RBM33: variants seen among roughly 807,000 people sequenced by gnomAD.
RBM33 encodes the protein RNA-binding protein 33.
In RBM33, 28 loss-of-function variants were observed where a neutral mutation model predicts 132.6. That is an observed-to-expected ratio of 0.21 (90% CI 0.16 to 0.29). The LOEUF (loss-of-function observed/expected upper bound fraction) is 0.29. RBM33 is among the 10% of genes least tolerant of loss of function. The pLI is 1.00. For synonymous variants in RBM33, 634 were observed against 593.0 expected (o/e 1.07, Z -1.01); for missense variants, 1,291 against 1,518.5 (o/e 0.85, Z 2.49).
intron 14 of RBM33, among the ~76,000 whole-genome samples, chr7:155,761,662 C>CT (rs1412045306): frequency 2.0e-5 from 3 of 152,212 alleles, no homozygotes; most frequent in Admixed American, 6.5e-5. Flanking sequence ...AATTCATCTT[C>CT]TTTCCTTTTT....
At chr7:155,671,705 T>C (rs1221951846) in intron 2 of RBM33, among the ~76,000 whole-genome samples, 1 of 152,210 alleles carries the variant, frequency 6.6e-6, no homozygotes, top group African/African-American at 2.4e-5. Context: ...AATAACAATA[T>C]CGATGCAGTT....
intron 9 of RBM33, among the ~76,000 whole-genome samples, chr7:155,721,232 C>G (rs748299742): frequency 6.6e-6 from 1 of 151,998 alleles, no homozygotes. Context: ...GCTAAACACC[C>G]GTGCCAGAGT....
chr7:155,750,160 T>A (rs1034009000), intron 14 of RBM33, among the ~76,000 whole-genome samples: 1 of 152,216 alleles, frequency 6.6e-6, no homozygotes, highest in Non-Finnish European at 1.5e-5. Flanking sequence ...AGAATTATAT[T>A]TCATGGAATG....
chr7:155,735,656 AC>A (rs1175400041), intron 9 of RBM33, among the ~76,000 whole-genome samples: 2 of 151,622 alleles, frequency 1.3e-5, no homozygotes, highest in Non-Finnish European at 2.9e-5. Context: ...TGATTGCGCC[AC>A]TGCACTCCAG....
intron 14 of RBM33, among the ~76,000 whole-genome samples, chr7:155,761,620 G>A (rs959327507): frequency 6.6e-6 from 1 of 152,124 alleles, no homozygotes; most frequent in Non-Finnish European, 1.5e-5. Context: ...AGGGTCCATT[G>A]CGGTGATCCC....
At chr7:155,662,704 T>C (rs1439408325) in intron 1 of RBM33, among the ~76,000 whole-genome samples, 1 of 152,140 alleles carries the variant, frequency 6.6e-6, no homozygotes, top group Non-Finnish European at 1.5e-5. Flanking sequence ...GCAGGGGTTC[T>C]CTGGTTCCAG....
chr7:155,723,496 A>G (rs12154630), intron 9 of RBM33, among the ~76,000 whole-genome samples: 9,840 of 152,284 alleles, frequency 0.065, 482 homozygotes, highest in African/African-American at 0.14. Context: ...TCCACTTGCT[A>G]GTGGGTTTCT....
intron 2 of RBM33, among the ~76,000 whole-genome samples, chr7:155,667,004 C>G (rs1169933168): frequency 2.0e-5 from 3 of 152,186 alleles, no homozygotes; most frequent in Non-Finnish European, 1.5e-5. Flanking sequence ...TTGACCTTCT[C>G]TTACACTCAT....
chr7:155,745,691 T>C lies in RBM33; in HGVS notation c.2979+89T>C. The C allele has an allele frequency of 3.1e-6, 4 of 1,279,374 alleles. No individual in the cohort carries two copies. Among genetic ancestry groups the C allele is most frequent in the Non-Finnish European group, 4.2e-6 (4 of 943,132 alleles). The allele number at this position is 1,279,374 out of a possible 1,614,324, so 79.3% of individuals were successfully genotyped here. A position where few individuals can be genotyped will look rare whatever the true frequency, so the allele number is the denominator to read the frequency against. On this transcript the variant is annotated intron_variant, in intron 14 of 17. Coordinates refer to ENST00000401878, the MANE Select transcript of RBM33 (RefSeq NM_053043.3). The surrounding 1 kb of genome is among the most constrained non-coding windows in gnomAD (Gnocchi z 4.1). The stretch of plus-strand genomic sequence containing the variant: ...GCAGAGAATGTTTTTGAAGAAAGAA[T>C]TAAAAGTTACCTCTGTTATAGTCTT...
At chr7:155,701,004 T>C in intron 6 of RBM33, 60 bp downstream of exon 6, 3 of 1,387,554 alleles carry the variant, frequency 2.2e-6, no homozygotes, top group Non-Finnish European at 3.0e-6. Flanking sequence ...CTCCATAGTA[T>C]TGCTGTAATT....
intron 8 of RBM33, among the ~76,000 whole-genome samples, chr7:155,715,091 A>T (rs952867847): frequency 6.6e-6 from 1 of 152,164 alleles, no homozygotes; most frequent in Non-Finnish European, 1.5e-5. Flanking sequence ...AGCATCGCTC[A>T]TCCACACATC....
intron 12 of RBM33, 141 bp downstream of exon 12, chr7:155,740,167 G>A (rs1342545167): frequency 3.5e-6 from 4 of 1,137,358 alleles, no homozygotes; most frequent in Non-Finnish European, 4.6e-6. Context: ...GTTCTGAAGT[G>A]AATCCATGTT....
chr7:155,708,481 G>A (rs1206296835), intron 7 of RBM33, among the ~76,000 whole-genome samples: 1 of 152,214 alleles, frequency 6.6e-6, no homozygotes, highest in African/African-American at 2.4e-5. Flanking sequence ...TCCTGGAAAA[G>A]TTGTTGAGCT....
chr7:155,733,151 T>A (rs571065733), intron 9 of RBM33, among the ~76,000 whole-genome samples: 1 of 152,046 alleles, frequency 6.6e-6, no homozygotes, highest in African/African-American at 2.4e-5. Flanking sequence ...AGAGTGAAAA[T>A]TTTTCAAGGA....
At chr7:155,755,282 A>G (rs1377698900) in intron 14 of RBM33, among the ~76,000 whole-genome samples, 1 of 152,196 alleles carries the variant, frequency 6.6e-6, no homozygotes, top group East Asian at 1.9e-4. Flanking sequence ...CTGGGACACT[A>G]CACCCCTGTC....
chr7:155,722,556 T>C (rs201561633), intron 9 of RBM33, among the ~76,000 whole-genome samples: 11 of 152,246 alleles, frequency 7.2e-5, no homozygotes, highest in African/African-American at 2.7e-4. Flanking sequence ...GTCACTAATA[T>C]AAAGCTGTAA....
chr7:155,688,651 A>T (rs1251316210), intron 5 of RBM33, among the ~76,000 whole-genome samples: 2 of 152,190 alleles, frequency 1.3e-5, no homozygotes, highest in Non-Finnish European at 2.9e-5. Context: ...GATACGTCCC[A>T]TCAATACCTA....
rs768596510 is a variant in RBM33 at position 155,780,945 on chromosome 7, C to T, written c.*5904C>T. The T allele has an allele frequency of 3.9e-5, 6 of 152,888 alleles. No homozygotes were observed. Among genetic ancestry groups the T allele is most frequent in the East Asian group, 1.9e-4 (1 of 5,192 alleles). The allele number at this position is 152,888 out of a possible 1,614,324, so 9.5% of individuals were successfully genotyped here. On this transcript the variant is annotated 3_prime_UTR_variant, in exon 18 of 18. Transcript: ENST00000401878. ...TGCCGGCGTCCCGCAGTGTGCGGTT[C>T]GTGCCCTTAACCACCCGCTTCTTTG...
chr7:155,683,912 G>T (rs1014359864), intron 5 of RBM33, among the ~76,000 whole-genome samples: 8 of 152,154 alleles, frequency 5.3e-5, no homozygotes, highest in African/African-American at 1.9e-4. Flanking sequence ...CAGGGGTGTG[G>T]ACTGTACTGC....
Sources: gnomAD v4.1 joint callset for allele counts (sites outside exome capture counted in the v4.1 genomes callset) on GRCh38, gnomAD v4.1.1 for gene constraint, Gnocchi (gnomAD v3.1) non-coding constraint, MANE v1.5 for transcripts, NCBI Gene and HGNC (gene_info 2026-07-23, HGNC 2026-07-21) for gene names.